The following ATP6V0D2 variants were observed in gnomAD, a reference collection of about 807,000 sequenced individuals.
ATP6V0D2 encodes the protein V-type proton ATPase subunit d 2.
ATP6V0D2 carries 40 observed loss-of-function variants against 40.0 expected under a neutral mutation model. The ratio of observed to expected loss-of-function variants is 1.00; its 90% CI spans 0.78 to 1.30. The LOEUF (loss-of-function observed/expected upper bound fraction) is 1.30, where lower values mean the gene tolerates loss of function less well. Among genes scored for constraint, ATP6V0D2 ranks in the 50% most tolerant of loss-of-function variants. The pLI, the probability that ATP6V0D2 is intolerant of heterozygous loss-of-function variation, is 0.00. For synonymous variants in ATP6V0D2, 179 were observed against 156.3 expected (o/e 1.15, Z -1.08); for missense variants, 470 against 423.1 (o/e 1.11, Z -0.97).
At chr8:86,132,118 A>G (rs1430931989) in intron 2 of ATP6V0D2, among the ~76,000 whole-genome samples, 1 of 152,166 alleles carries the variant, frequency 6.6e-6, no homozygotes, top group Non-Finnish European at 1.5e-5. Context: ...CTTTTACACC[A>G]TACTATGATG....
chr8:86,113,819 G>T lies in ATP6V0D2; in HGVS notation c.241G>T (p.Glu81Ter). The T allele has an allele frequency of 6.2e-7, 1 of 1,613,902 alleles. No homozygotes were observed. The highest frequency in any genetic ancestry group is 8.5e-7 in the Non-Finnish European group (1 of 1,179,886). The change falls in exon 2 of 8, where the codon GAA becomes TAA. Residue 81 changes from glutamate (E) to a stop codon, truncating the protein, a stop_gained. Transcript: ENST00000285393. LOFTEE classifies it high-confidence loss of function. ...DTEMRKRLCG[E>*]FEYFRNHSLE... Reference sequence around the variant, plus strand: ...TGAGATGAGGAAAAGACTATGTGGAGAATTTGAGTATTTCCGGAATCATTC... The same window carrying T: ...TGAGATGAGGAAAAGACTATGTGGATAATTTGAGTATTTCCGGAATCATTC...
intron 1 of ATP6V0D2, among the ~76,000 whole-genome samples, chr8:86,109,822 G>A (rs112683549): frequency 1.8e-3 from 272 of 152,214 alleles, no homozygotes; most frequent in African/African-American, 6.3e-3. Flanking sequence ...CATTTACGAT[G>A]CAAAATCTAC....
At chr8:86,141,089 G>A (rs528427450) in intron 3 of ATP6V0D2, among the ~76,000 whole-genome samples, 2 of 152,122 alleles carry the variant, frequency 1.3e-5, no homozygotes, top group South Asian at 2.1e-4. Flanking sequence ...TCTGACAGGA[G>A]GGGGAGCTCA....
chr8:86,110,590 A>G (rs562766891), intron 1 of ATP6V0D2, among the ~76,000 whole-genome samples: 48 of 152,334 alleles, frequency 3.2e-4, no homozygotes, highest in African/African-American at 1.1e-3. Context: ...AGAACAGAGG[A>G]GGACTCTTCA....
At chr8:86,126,375 G>T (rs1256243072) in intron 2 of ATP6V0D2, among the ~76,000 whole-genome samples, 2 of 150,442 alleles carry the variant, frequency 1.3e-5, no homozygotes, top group Admixed American at 6.7e-5. Flanking sequence ...CATCACCTAG[G>T]TATTAAGCCC....
intron 5 of ATP6V0D2, among the ~76,000 whole-genome samples, chr8:86,146,982 C>G (rs1308119658): frequency 1.4e-5 from 2 of 146,940 alleles, no homozygotes; most frequent in Non-Finnish European, 3.0e-5. Context: ...AAAATTTGAC[C>G]TAATTACAAG....
chr8:86,123,694 A>C (rs1271927543), intron 2 of ATP6V0D2, among the ~76,000 whole-genome samples: 3 of 152,196 alleles, frequency 2.0e-5, no homozygotes, highest in African/African-American at 7.2e-5. Flanking sequence ...CAAGTAAGAT[A>C]AGTGGATTTT....
intron 1 of ATP6V0D2, among the ~76,000 whole-genome samples, chr8:86,105,609 CTTTTTTCTTTTCTTTT>C (rs1256477997): frequency 8.8e-6 from 1 of 113,324 alleles, no homozygotes; most frequent in African/African-American, 3.1e-5. Context: ...CTGTAAACTT[CTTTTTTCTTTTCTTTT>C]TTTTTTTTTT....
At chr8:86,139,358 G>A in intron 2 of ATP6V0D2, 99 bp from the exon 3 acceptor site, 2 of 972,286 alleles carry the variant, frequency 2.1e-6, no homozygotes, top group Non-Finnish European at 3.0e-6. Context: ...TTTTCTGAAT[G>A]AAACAGTGTG....
chr8:86,099,160 A>C (rs766249534), intron 1 of ATP6V0D2, 52 bp downstream of exon 1: 3 of 1,518,936 alleles, frequency 2.0e-6, no homozygotes, highest in African/African-American at 1.4e-5. Context: ...AAATGAAATG[A>C]TGTCCCTCTC....
At chr8:86,126,394 T>C (rs1231594798) in intron 2 of ATP6V0D2, among the ~76,000 whole-genome samples, 3 of 151,344 alleles carry the variant, frequency 2.0e-5, no homozygotes, top group Admixed American at 6.6e-5. Flanking sequence ...CCAGCATCCG[T>C]TGGCTACTCT....
chr8:86,150,888 T>G (rs1819140277), intron 6 of ATP6V0D2, among the ~76,000 whole-genome samples: 1 of 152,130 alleles, frequency 6.6e-6, no homozygotes, highest in Non-Finnish European at 1.5e-5. Flanking sequence ...TTGCACACAT[T>G]TACATAACCT....
Position 86,150,190 on chromosome 8 carries a change from C to T in ATP6V0D2, c.718C>T (p.Leu240Phe), listed in dbSNP as rs746296817. 6.2e-7 allele frequency: 1 copy of T among 1,613,378 alleles called. No homozygotes were observed. Among genetic ancestry groups the T allele is most frequent in the South Asian group, 1.1e-5 (1 of 91,052 alleles). The change falls in exon 6 of 8, where the codon CTC (leucine) becomes TTC (phenylalanine). Residue 240 changes from leucine to phenylalanine, a missense_variant. Coordinates refer to ENST00000285393, the MANE Select transcript of ATP6V0D2 (RefSeq NM_152565.1). ...TELSKEDRET[L>F]YPTFGKLYPE... Reference sequence around the variant, plus strand: ...ATTGAGCAAAGAAGACCGAGAGACCCTCTATCCAACCTTCGGCAAACTCTA... The same window carrying T: ...ATTGAGCAAAGAAGACCGAGAGACCTTCTATCCAACCTTCGGCAAACTCTA...
chr8:86,145,235 G>GAAAGAAAGAAAGAAAGAA (rs1299284800), intron 5 of ATP6V0D2, among the ~76,000 whole-genome samples: 21 of 42,828 alleles, frequency 4.9e-4, no homozygotes, highest in East Asian at 9.3e-4. Flanking sequence ...AAGAAAGAAA[G>GAAAGAAAGAAAGAAAGAA]AGAGAGAGAG....
intron 2 of ATP6V0D2, among the ~76,000 whole-genome samples, chr8:86,118,081 C>CTTTTTTTTTTTT (rs1554587902): frequency 1.5e-4 from 8 of 52,154 alleles, no homozygotes; most frequent in Non-Finnish European, 2.5e-4. Flanking sequence ...TTCTTTCTTT[C>CTTTTTTTTTTTT]TTTCTTTTTT....
intron 2 of ATP6V0D2, among the ~76,000 whole-genome samples, chr8:86,118,321 G>A (rs1368054944): frequency 2.7e-5 from 4 of 150,508 alleles, no homozygotes; most frequent in African/African-American, 9.8e-5. Context: ...TGATCCACCC[G>A]CCTCAGACTT....
intron 2 of ATP6V0D2, among the ~76,000 whole-genome samples, chr8:86,121,815 G>A (rs1818674343): frequency 6.6e-6 from 1 of 152,092 alleles, no homozygotes; most frequent in Non-Finnish European, 1.5e-5. Context: ...ATTAGAAAAT[G>A]CCCGAGACAA....
intron 2 of ATP6V0D2, among the ~76,000 whole-genome samples, chr8:86,121,545 G>C (rs949807238): frequency 1.3e-5 from 2 of 151,234 alleles, no homozygotes; most frequent in Admixed American, 1.3e-4. Flanking sequence ...ACTCCAGCCT[G>C]GGTGACAGAG....
chr8:86,100,330 A>G (rs1818379392), intron 1 of ATP6V0D2, among the ~76,000 whole-genome samples: 1 of 152,188 alleles, frequency 6.6e-6, no homozygotes, highest in South Asian at 2.1e-4. Flanking sequence ...ATAGGTCAAT[A>G]ATAAGGTGGT....
Sources: allele counts gnomAD v4.1 joint callset (sites outside exome capture counted in the v4.1 genomes callset), GRCh38; gene constraint gnomAD v4.1.1; transcripts MANE v1.5; gene names NCBI Gene and HGNC (gene_info 2026-07-23, HGNC 2026-07-21).